Variants in ITPR1 observed in about 807,000 individuals in gnomAD.
ITPR1 encodes inositol 1,4,5-trisphosphate-gated calcium channel ITPR1.
A neutral mutation model predicts 318.4 loss-of-function variants in ITPR1; 96 were observed. The observed-to-expected ratio is 0.30, with a 90% CI of 0.26 to 0.36. The LOEUF (loss-of-function observed/expected upper bound fraction) is 0.36, where lower values mean the gene tolerates loss of function less well. ITPR1 is among the 10% of genes least tolerant of loss of function. ITPR1 has a pLI of 1.00. For synonymous variants in ITPR1, 1,312 were observed against 1,289.9 expected (o/e 1.02, Z -0.37); for missense variants, 2,440 against 3,460.2 (o/e 0.71, Z 7.40).
At chr3:4,747,845 A>G (rs568928055) in intron 44 of ITPR1, among the ~76,000 whole-genome samples, 1 of 152,320 alleles carries the variant, frequency 6.6e-6, no homozygotes, top group Non-Finnish European at 1.5e-5. Context: ...AGTTGGATTA[A>G]TAGCGATTTT....
intron 52 of ITPR1, 150 bp downstream of exon 52, chr3:4,788,289 A>G: frequency 1.5e-6 from 1 of 665,524 alleles, no homozygotes; most frequent in Non-Finnish European, 2.5e-6. Context: ...AGTCATAACC[A>G]GTTTTGCAGC....
Position 4,846,816 on chromosome 3 carries a change from G to GTGA in ITPR1, c.*593_*595dup, listed in dbSNP as rs1214015021. 1 of 152,632 alleles carries GTGA rather than the reference G, an allele frequency of 6.6e-6. No individual in the cohort carries two copies. Among genetic ancestry groups the GTGA allele is most frequent in the Non-Finnish European group, 1.5e-5 (1 of 68,024 alleles). The allele number at this position is 152,632 out of a possible 1,614,324, so 9.5% of individuals were successfully genotyped here. A position where few individuals can be genotyped will look rare whatever the true frequency, so the allele number is the denominator to read the frequency against. On this transcript the variant is annotated 3_prime_UTR_variant, in exon 62 of 62. Transcript: ENST00000649015. The stretch of plus-strand genomic sequence containing the variant: ...GTGGCAGTAGTGCCTCCGTCTCCTA[G>GTGA]TGATAATGCTCCAAGTCTATGAACT...
intron 40 of ITPR1, among the ~76,000 whole-genome samples, chr3:4,721,116 A>ATATATATATT (rs931323273): frequency 3.0e-4 from 44 of 147,260 alleles, no homozygotes; most frequent in African/African-American, 1.1e-3. Flanking sequence ...GGATATATAT[A>ATATATATATT]TATATATATT....
chr3:4,720,124 A>T (rs901849087), intron 40 of ITPR1, among the ~76,000 whole-genome samples: 2 of 152,232 alleles, frequency 1.3e-5, no homozygotes, highest in African/African-American at 2.4e-5. Flanking sequence ...ATTCATTTAT[A>T]TGACTAATAT....
At position 4,836,173 on chromosome 3, in the gene ITPR1, A is replaced by G. The variant is rs892271074; in HGVS notation, c.8029-601A>G. 7.2e-5 allele frequency among the ~76,000 whole-genome samples: 11 copies of G among 152,192 alleles called. No individual in the cohort carries two copies. The South Asian group carries it at 1.0e-3, about 14-fold the overall frequency. On this transcript the variant is annotated intron_variant, in intron 60 of 61. Transcript: ENST00000649015. ...GTTTTCCCAGTATAATGCATTTTAA[A>G]ATACACAGCATAATATGAGGCCCCT... is the stretch of plus-strand genomic sequence containing the variant.
chr3:4,527,805 T>C (rs1251346064), intron 4 of ITPR1, among the ~76,000 whole-genome samples: 5 of 152,200 alleles, frequency 3.3e-5, no homozygotes, highest in African/African-American at 9.7e-5. Flanking sequence ...TTTATTTTTA[T>C]TGGTGCCTTC....
intron 2 of ITPR1, among the ~76,000 whole-genome samples, chr3:4,503,321 T>C (rs1383550785): frequency 1.3e-5 from 2 of 152,116 alleles, no homozygotes; most frequent in Non-Finnish European, 2.9e-5. Context: ...GGATGGGGAC[T>C]CCGCAGTACC....
intron 4 of ITPR1, among the ~76,000 whole-genome samples, chr3:4,620,424 C>T (rs974350031): frequency 2.6e-5 from 4 of 152,166 alleles, no homozygotes; most frequent in African/African-American, 7.2e-5. Flanking sequence ...ATCCAATCCT[C>T]CGTTACTGGT....
At chr3:4,499,480 G>GAT (rs2080857530) in intron 2 of ITPR1, among the ~76,000 whole-genome samples, 1 of 151,700 alleles carries the variant, frequency 6.6e-6, no homozygotes, top group South Asian at 2.1e-4. Flanking sequence ...ATACTTCCCT[G>GAT]ATATATATAC....
At chr3:4,667,091 T>A (rs966344484) in intron 17 of ITPR1, among the ~76,000 whole-genome samples, 1 of 152,168 alleles carries the variant, frequency 6.6e-6, no homozygotes, top group African/African-American at 2.4e-5. Flanking sequence ...GAAAAATAAA[T>A]CACTAGATTA....
At chr3:4,697,355 G>C in intron 34 of ITPR1, 83 bp downstream of exon 34, 1 of 521,740 alleles carries the variant, frequency 1.9e-6, no homozygotes, top group Admixed American at 5.3e-5. Flanking sequence ...TGTGTGTGTA[G>C]CATCTTTGTG....
intron 12 of ITPR1, among the ~76,000 whole-genome samples, chr3:4,657,607 A>T (rs2093742139): frequency 6.6e-6 from 1 of 151,876 alleles, no homozygotes; most frequent in African/African-American, 2.4e-5. Context: ...AGCTGGGATT[A>T]CAGGCGCCTG....
At chr3:4,807,726 A>G (rs765499775) in intron 55 of ITPR1, among the ~76,000 whole-genome samples, 1 of 152,214 alleles carries the variant, frequency 6.6e-6, no homozygotes, top group Non-Finnish European at 1.5e-5. Flanking sequence ...TTGAGGTTTT[A>G]GGCAAAGAGG....
rs1443922045 is a variant in ITPR1 at position 4,643,602 on chromosome 3, G to T, written c.526-534G>T. Among the ~76,000 whole-genome samples, 6 of 151,728 alleles carry T rather than the reference G, an allele frequency of 4.0e-5. No homozygotes were observed. In the South Asian group the frequency reaches 8.3e-4, roughly 21 times the overall value. On this transcript the variant is annotated intron_variant, in intron 7 of 61. Transcript: ENST00000649015. ...TAATGATAAGTATTGTTTTTTTGGGGGGGGGGTAACTTTTGTTTTAGTTAC... is the reference window on the plus strand; with the variant it reads ...TAATGATAAGTATTGTTTTTTTGGGTGGGGGGTAACTTTTGTTTTAGTTAC...
intron 2 of ITPR1, among the ~76,000 whole-genome samples, chr3:4,507,533 C>T (rs982791742): frequency 1.3e-5 from 2 of 152,144 alleles, no homozygotes; most frequent in Non-Finnish European, 2.9e-5. Context: ...TCCTAAAGTT[C>T]CTCCTGAAAT....
At chr3:4,721,172 G>GTATATTTATATATATATA (rs1553711237) in intron 40 of ITPR1, among the ~76,000 whole-genome samples, 1 of 125,080 alleles carries the variant, frequency 8.0e-6, no homozygotes. Flanking sequence ...GTGTGTGCGT[G>GTATATTTATATATATATA]TATATATATA....
chr3:4,725,006 C>T (rs1481145628), intron 40 of ITPR1, among the ~76,000 whole-genome samples: 1 of 152,086 alleles, frequency 6.6e-6, no homozygotes, highest in African/African-American at 2.4e-5. Flanking sequence ...TCCCCTAAGC[C>T]CAAGCTGGAG....
chr3:4,694,704 T>TG (rs2094531208), intron 33 of ITPR1, among the ~76,000 whole-genome samples: 4 of 152,216 alleles, frequency 2.6e-5, no homozygotes, highest in Admixed American at 2.6e-4. Context: ...TATGTAAACA[T>TG]GGAAAAGGTC....
chr3:4,712,662 G>T (rs2041467996), intron 39 of ITPR1, among the ~76,000 whole-genome samples: 1 of 152,210 alleles, frequency 6.6e-6, no homozygotes, highest in African/African-American at 2.4e-5. Context: ...AAGAAGCCTT[G>T]ATAATTAAAT....
Sources: gnomAD v4.1 joint callset for allele counts (sites outside exome capture counted in the v4.1 genomes callset) on GRCh38, gnomAD v4.1.1 for gene constraint, MANE v1.5 for transcripts, NCBI Gene and HGNC (gene_info 2026-07-23, HGNC 2026-07-21) for gene names.